The following TRPM2 variants were observed in gnomAD, a reference collection of about 807,000 sequenced individuals.
TRPM2 encodes estrogen-responsive element-associated gene 1 protein.
In TRPM2, 161 loss-of-function variants were observed where a neutral mutation model predicts 174.0. The observed-to-expected ratio is 0.93, with a 90% CI of 0.81 to 1.05. The LOEUF (loss-of-function observed/expected upper bound fraction) is 1.05, where lower values mean the gene tolerates loss of function less well. TRPM2 is among the 50% of genes least tolerant of loss of function. TRPM2 has a pLI of 0.00. For synonymous variants in TRPM2, 954 were observed against 861.3 expected (o/e 1.11, Z -1.88); for missense variants, 2,057 against 2,038.0 (o/e 1.01, Z -0.18).
intron 22 of TRPM2, chr21:44,423,340 G>A (rs1192523362): frequency 5.0e-6 from 2 of 399,476 alleles, no homozygotes; most frequent in African/African-American, 2.0e-5. Flanking sequence ...TTCATTGTTT[G>A]TGACCTGTCA....
chr21:44,387,983 AC>A (rs1377041413), intron 9 of TRPM2, among the ~76,000 whole-genome samples: 16 of 152,224 alleles, frequency 1.1e-4, no homozygotes, highest in African/African-American at 3.9e-4. Context: ...AAACAGGATG[AC>A]AGTTCCTTAA....
intron 8 of TRPM2, among the ~76,000 whole-genome samples, chr21:44,381,206 C>T (rs2048870237): frequency 6.6e-6 from 1 of 151,900 alleles, no homozygotes; most frequent in Non-Finnish European, 1.5e-5. Flanking sequence ...AGGAGAGAAG[C>T]AGGGGAGGCC....
rs377400692 is a variant in TRPM2, at chr21:44,437,008, G to A, written c.4062-54G>A. 1.6e-4 allele frequency: 246 copies of A among 1,505,372 alleles called. 1 individual carries two copies. The African/African-American group carries it at 2.7e-3, about 17-fold the overall frequency. The allele number at this position is 1,505,372 out of a possible 1,614,324, so 93.3% of individuals were successfully genotyped here. On this transcript the variant is annotated intron_variant, in intron 28 of 31. Transcript: ENST00000397928. ...CAGGGCCAGCCCCGCCGCGGCGCAG[G>A]GGAGGGTGGAGGCCGCAGCGGGTCC...
At chr21:44,419,784 A>ATGGTGGTAGCGGTGATGGTG (rs2050471419) in intron 22 of TRPM2, among the ~76,000 whole-genome samples, 1 of 85,942 alleles carries the variant, frequency 1.2e-5, no homozygotes, top group Admixed American at 1.1e-4. Context: ...TGGTGATGGT[A>ATGGTGGTAGCGGTGATGGTG]GTGGTGGTGA....
intron 19 of TRPM2, 59 bp downstream of exon 19, chr21:44,406,824 G>A (rs1008929957): frequency 6.5e-7 from 1 of 1,546,312 alleles, no homozygotes; most frequent in Non-Finnish European, 8.7e-7. Flanking sequence ...GAGAGAGGCT[G>A]GAAAGGGGCC....
Position 44,427,063 on chromosome 21 carries a change from A to T in TRPM2, c.3926A>T (p.Asp1309Val). ...TACAACGTGGTGGATGGCCTGAGGG[A>T]CCGCCGGAGCTTCCACGGGCCGTAC... ...IQYNVVDGLR[D>V]RRSFHGPYTV... Residue 1309 changes from aspartate (D) to valine (V), a missense_variant, in exon 27 of 32, where the codon GAC becomes GTC. Physicochemically the swap from Asp to Val is radical, Grantham distance 152. Coordinates refer to ENST00000397928, the MANE Select transcript of TRPM2 (RefSeq NM_003307.4). The T allele has an allele frequency of 6.2e-7, 1 of 1,607,446 alleles. No individual in the cohort carries two copies. The highest frequency in any genetic ancestry group is 8.5e-7 in the Non-Finnish European group (1 of 1,177,896).
Position 44,425,697 on chromosome 21 carries a change from A to G in TRPM2, c.3665A>G (p.Asp1222Gly). 1 of 1,553,866 alleles carries G rather than the reference A, an allele frequency of 6.4e-7. No homozygotes were observed. Among genetic ancestry groups the G allele is most frequent in the Non-Finnish European group, 8.7e-7 (1 of 1,146,750 alleles). The change falls in exon 25 of 32, where the codon GAT (aspartate) becomes GGT (glycine). Residue 1222 changes from aspartate to glycine, a missense_variant. Coordinates refer to ENST00000397928, the MANE Select transcript of TRPM2 (RefSeq NM_003307.4). ...LASQKAAEEP[D>G]AEPGGRKKTE... The stretch of plus-strand genomic sequence containing the variant: ...TCCCAGAAGGCCGCGGAGGAGCCGG[A>G]TGCTGAGCCGGGAGGCAGGAAGAAG...
intron 27 of TRPM2, among the ~76,000 whole-genome samples, chr21:44,434,529 G>T (rs2146408298): frequency 6.6e-6 from 1 of 152,188 alleles, no homozygotes; most frequent in Non-Finnish European, 1.5e-5. Flanking sequence ...CTGTTTTAGT[G>T]GTACATTCAC....
chr21:44,395,889 G>A (rs536848443), intron 12 of TRPM2, among the ~76,000 whole-genome samples: 1 of 58,616 alleles, frequency 1.7e-5, no homozygotes, highest in Non-Finnish European at 3.3e-5. Context: ...CTGTGGAGGG[G>A]TGTGGAGACT....
intron 8 of TRPM2, among the ~76,000 whole-genome samples, chr21:44,379,692 G>A (rs2048820078): frequency 6.6e-6 from 1 of 152,198 alleles, no homozygotes; most frequent in Admixed American, 6.5e-5. Flanking sequence ...CATGACCCCA[G>A]CCTCCAGAGG....
chr21:44,391,396 T>C lies in TRPM2; in HGVS notation c.1565T>C (p.Leu522Pro). The C allele has an allele frequency of 5.6e-6, 9 of 1,614,138 alleles. No homozygotes were observed. Among genetic ancestry groups the C allele is most frequent in the Non-Finnish European group, 7.6e-6 (9 of 1,180,048 alleles). Residue 522 changes from leucine (L) to proline (P), a missense_variant, in exon 11 of 32, where the codon CTG becomes CCG. Physicochemically the swap from Leu to Pro is moderately conservative, Grantham distance 98 (BLOSUM62 -3). Coordinates refer to ENST00000397928, the MANE Select transcript of TRPM2 (RefSeq NM_003307.4). This position sits in a 1 kb window ranked among gnomAD's most constrained non-coding sequence, Gnocchi z 5.0. The stretch of plus-strand genomic sequence containing the variant: ...GTCACCTGGGACACCTTGCTCTACC[T>C]GTACGAGAACCTGGACCCCTCCTGC... ...EFVTWDTLLYLYENLDPSCLF... is the reference protein window; with the variant it reads ...EFVTWDTLLYPYENLDPSCLF...
intron 11 of TRPM2, among the ~76,000 whole-genome samples, chr21:44,394,895 C>T (rs2049293800): frequency 6.6e-6 from 1 of 152,108 alleles, no homozygotes; most frequent in Admixed American, 6.5e-5. Context: ...GTACGTGTTT[C>T]CTGGTCCGGG....
intron 27 of TRPM2, among the ~76,000 whole-genome samples, chr21:44,430,867 T>C (rs1042028539): frequency 6.6e-6 from 1 of 150,854 alleles, no homozygotes; most frequent in Non-Finnish European, 1.5e-5. Flanking sequence ...ATGTATTGTG[T>C]CACAGATGTC....
chr21:44,406,183 A>C, intron 18 of TRPM2, 146 bp downstream of exon 18: 4 of 1,069,976 alleles, frequency 3.7e-6, no homozygotes, highest in Non-Finnish European at 5.4e-6. Flanking sequence ...GGCTCCCAAG[A>C]ATGCCCTTCT....
intron 28 of TRPM2, 74 bp downstream of exon 28, chr21:44,435,291 T>G: frequency 1.3e-6 from 2 of 1,532,628 alleles, no homozygotes; most frequent in East Asian, 2.3e-5. Flanking sequence ...CGGCTGCCAT[T>G]GCCCAGTGCT....
intron 20 of TRPM2, 119 bp from the exon 21 acceptor site, chr21:44,417,806 CAG>C (rs2050361388): frequency 1.9e-6 from 2 of 1,025,824 alleles, no homozygotes; most frequent in Non-Finnish European, 2.8e-6. Context: ...TGTGGCATCA[CAG>C]TGGGCATGTG....
Position 44,414,046 on chromosome 21 carries a change from C to T in TRPM2, c.3118C>T (p.Leu1040=). Reference sequence around the variant, plus strand: ...CTACCTGCTCTTCACCAACATCCTGCTGCTCAACCTCCTCATCGCCATGTT... The same window carrying T: ...CTACCTGCTCTTCACCAACATCCTGTTGCTCAACCTCCTCATCGCCATGTT... The part of the protein sequence containing the change: ...CLYLLFTNIL[L]LNLLIAMFNY... The change falls in exon 20 of 32, where the codon CTG becomes TTG. Residue 1040 remains leucine, a synonymous_variant. Coordinates refer to ENST00000397928, the MANE Select transcript of TRPM2 (RefSeq NM_003307.4). 2 of 1,613,050 alleles carry T rather than the reference C, an allele frequency of 1.2e-6. No individual in the cohort carries two copies. The highest frequency in any genetic ancestry group is 1.7e-6 in the Non-Finnish European group (2 of 1,179,882).
rs576035597 is a variant in TRPM2, at chr21:44,398,654, C to T, written c.2063-642C>T. On this transcript the variant is annotated intron_variant, in intron 13 of 31. Coordinates refer to ENST00000397928, the MANE Select transcript of TRPM2 (RefSeq NM_003307.4). ...CACAGGGGTCGAAGTGGGTTCTTCT[C>T]GCTGTCTGCTGTTTCTGCGTGTGGT... is the stretch of plus-strand genomic sequence containing the variant. Among the ~76,000 whole-genome samples the T allele has an allele frequency of 1.1e-4, 16 of 152,236 alleles. No individual in the cohort carries two copies. In the East Asian group the frequency reaches 3.1e-3, roughly 29 times the overall value.
At chr21:44,378,127 C>A (rs2146200825) in intron 7 of TRPM2, among the ~76,000 whole-genome samples, 1 of 152,322 alleles carries the variant, frequency 6.6e-6, no homozygotes, top group Non-Finnish European at 1.5e-5. Context: ...AAGATTCCTC[C>A]AGGAAGCATT....
Sources: allele counts gnomAD v4.1 joint callset (sites outside exome capture counted in the v4.1 genomes callset), GRCh38; gene constraint gnomAD v4.1.1; non-coding constraint Gnocchi (gnomAD v3.1); transcripts MANE v1.5; gene names NCBI Gene and HGNC (gene_info 2026-07-23, HGNC 2026-07-21).